Variants in RUBCN observed in about 807,000 individuals in gnomAD.
The protein encoded by RUBCN is rubicon autophagy regulator.
In RUBCN, 74 loss-of-function variants were observed where a neutral mutation model predicts 113.2. The ratio of observed to expected loss-of-function variants is 0.65; its 90% CI spans 0.54 to 0.79. RUBCN has a LOEUF of 0.79. RUBCN is among the 30% of genes least tolerant of loss of function. The probability of loss-of-function intolerance (pLI) is 0.00; values close to 1 mark genes in which losing one functional copy is unlikely to be tolerated. For synonymous variants in RUBCN, 480 were observed against 490.0 expected (o/e 0.98, Z 0.27); for missense variants, 1,109 against 1,251.7 (o/e 0.89, Z 1.72).
intron 2 of RUBCN, 121 bp from the exon 3 acceptor site, chr3:197,705,296 T>C: frequency 1.1e-6 from 1 of 875,866 alleles, no homozygotes; most frequent in Non-Finnish European, 1.9e-6. Flanking sequence ...CAAAGGTTCT[T>C]AGCAGCAATC....
chr3:197,681,156 C>T lies in RUBCN; in HGVS notation c.2403G>A (p.Arg801=). The T allele has an allele frequency of 6.2e-7, 1 of 1,613,822 alleles. No homozygotes were observed. The highest frequency in any genetic ancestry group is 8.5e-7 in the Non-Finnish European group (1 of 1,179,816). The change falls in exon 16 of 20, where the codon AGG becomes AGA. Residue 801 remains arginine, a synonymous_variant. Transcript: ENST00000296343. The surrounding 1 kb of genome is among the most constrained non-coding windows in gnomAD (Gnocchi z 5.5). ...NVQDINSALY[R]KVKLLNQVRL... ...GGACTTGATTGAGCAGCTTGACCTTCCTATAGAGGGCACTGTTTATGTCCT... is the reference window on the plus strand; with the variant it reads ...GGACTTGATTGAGCAGCTTGACCTTTCTATAGAGGGCACTGTTTATGTCCT...
intron 1 of RUBCN, among the ~76,000 whole-genome samples, chr3:197,726,375 T>C (rs1726756100): frequency 6.6e-6 from 1 of 151,386 alleles, no homozygotes; most frequent in African/African-American, 2.4e-5. Context: ...GCCTCCCAGG[T>C]AGCTGGGACT....
intron 11 of RUBCN, among the ~76,000 whole-genome samples, chr3:197,691,971 G>A (rs980997705): frequency 4.0e-5 from 6 of 151,758 alleles, no homozygotes; most frequent in African/African-American, 1.5e-4. Flanking sequence ...TTCAAAATAC[G>A]CCCCTTTCAA....
intron 1 of RUBCN, among the ~76,000 whole-genome samples, chr3:197,730,885 CTTTTTT>C (rs71166707): frequency 0.096 from 4,772 of 49,960 alleles, 86 homozygotes; most frequent in African/African-American, 0.11. Flanking sequence ...TTAAAAGCAT[CTTTTTT>C]TTTTTTTTTT....
In RUBCN at chr3:197,721,493, T is replaced by C. The variant is rs533378078; in HGVS notation, c.66-3363A>G. On this transcript the variant is annotated intron_variant, in intron 1 of 19. Transcript: ENST00000296343. ...CTGATTTTATTTATTTGAGTCTTTT[T>C]TCCCCCTTGGTCTAGCTAAAGGTTT... is the stretch of plus-strand genomic sequence containing the variant. 3.9e-5 allele frequency among the ~76,000 whole-genome samples: 6 copies of C among 152,290 alleles called. No individual in the cohort carries two copies. The South Asian group carries it at 8.3e-4, about 21-fold the overall frequency.
chr3:197,717,453 A>AGG (rs1560456051), intron 2 of RUBCN, among the ~76,000 whole-genome samples: 8 of 151,504 alleles, frequency 5.3e-5, no homozygotes, highest in African/African-American at 1.9e-4. Flanking sequence ...CAAAAAAAAA[A>AGG]AGGGGGGGGC....
rs1719578886 is a variant in RUBCN at position 197,669,180 on chromosome 3, T to C, written c.*5838A>G. Among the ~76,000 whole-genome samples the C allele has an allele frequency of 6.6e-6, 1 of 152,234 alleles. No individual in the cohort carries two copies. The highest frequency in any genetic ancestry group is 2.1e-4 in the South Asian group (1 of 4,832). On this transcript the variant is annotated 3_prime_UTR_variant, in exon 20 of 20. Coordinates refer to ENST00000296343, the MANE Select transcript of RUBCN (RefSeq NM_014687.4). ...CCCTAATGTTACCATCTTACATTAC[T>C]GTAGTACTGGACATTTCCCAAAACT...
chr3:197,729,579 G>T (rs1247742547), intron 1 of RUBCN, among the ~76,000 whole-genome samples: 1 of 151,642 alleles, frequency 6.6e-6, no homozygotes, highest in Non-Finnish European at 1.5e-5. Flanking sequence ...TCTGTTTTTT[G>T]AGACAGTCTC....
In RUBCN at chr3:197,669,063, T is replaced by TAA. The variant is rs1253328673; in HGVS notation, c.*5953_*5954dup. On this transcript the variant is annotated 3_prime_UTR_variant, in exon 20 of 20. Coordinates refer to ENST00000296343, the MANE Select transcript of RUBCN (RefSeq NM_014687.4). ...GATGTACATATGCTTTTTATATAGG[T>TAA]AAACTTCTTAATCTGGAATAATTTT... 4.6e-5 allele frequency among the ~76,000 whole-genome samples: 7 copies of TAA among 152,340 alleles called. No individual in the cohort carries two copies. The highest frequency in any genetic ancestry group is 4.6e-4 in the Admixed American group (7 of 15,306).
chr3:197,676,076 G>A, intron 18 of RUBCN: 1 of 518,178 alleles, frequency 1.9e-6, no homozygotes, highest in Non-Finnish European at 2.5e-6. Context: ...TTGAGTAGAT[G>A]ACGACAATAA....
chr3:197,707,255 C>T (rs147929873), intron 2 of RUBCN, among the ~76,000 whole-genome samples: 1,847 of 152,062 alleles, frequency 0.012, 45 homozygotes, highest in African/African-American at 0.043. Flanking sequence ...TGGCATGAAC[C>T]CGGGAGGCAG....
intron 11 of RUBCN, among the ~76,000 whole-genome samples, chr3:197,690,444 A>G (rs1722303411): frequency 6.6e-6 from 1 of 152,248 alleles, no homozygotes; most frequent in Non-Finnish European, 1.5e-5. Context: ...GTCTCAAAAA[A>G]AATACAAAAG....
intron 1 of RUBCN, among the ~76,000 whole-genome samples, chr3:197,719,956 G>A (rs1725963525): frequency 6.6e-6 from 1 of 152,128 alleles, no homozygotes; most frequent in Non-Finnish European, 1.5e-5. Flanking sequence ...CTCTCTTCCA[G>A]CTATTCTGAA....
rs568031896 is a variant in RUBCN, at chr3:197,674,353, T to C, written c.*665A>G. The C allele has an allele frequency of 4.2e-6, 1 of 238,906 alleles. No homozygotes were observed. The highest frequency in any genetic ancestry group is 6.6e-5 in the South Asian group (1 of 15,214). The allele number at this position is 238,906 out of a possible 1,614,324, so 14.8% of individuals were successfully genotyped here. On this transcript the variant is annotated 3_prime_UTR_variant, in exon 20 of 20. Coordinates refer to ENST00000296343, the MANE Select transcript of RUBCN (RefSeq NM_014687.4). ...AGATGAAGAAAGTCAGCTTGTGGCA[T>C]CCTCTATGCTTCAAATATTTCAAAC... is the stretch of plus-strand genomic sequence containing the variant.
chr3:197,749,603 A>G lies in RUBCN; in HGVS notation c.-450T>C, dbSNP rs370772409. The G allele has an allele frequency of 3.7e-5, 42 of 1,138,236 alleles. No individual in the cohort carries two copies. In the African/African-American group the frequency reaches 5.7e-4, roughly 15 times the overall value. 70.5% of individuals were successfully genotyped at this position (1,138,236 alleles called of 1,614,324 possible). ...AGGGGACCTGTCTGCAGCAGGAGGG[A>G]CTCGAAGGACACGGAGGATTATATC... On this transcript the variant is annotated 5_prime_UTR_variant, in exon 1 of 21. Transcript: ENST00000273582.
chr3:197,706,887 C>T (rs1724360551), intron 2 of RUBCN, among the ~76,000 whole-genome samples: 1 of 152,134 alleles, frequency 6.6e-6, no homozygotes, highest in East Asian at 1.9e-4. Context: ...TGTGCAGGCT[C>T]TTTTGACAAT....
Position 197,705,242 on chromosome 3 carries a change from G to A in RUBCN, c.220-67C>T, listed in dbSNP as rs1290674103. ...TGGACCAGATCTAGTTCTAGGGTTGGCATTCAAAGATAGGAAAAGGACCAC... is the reference window on the plus strand; with the variant it reads ...TGGACCAGATCTAGTTCTAGGGTTGACATTCAAAGATAGGAAAAGGACCAC... On this transcript the variant is annotated intron_variant, in intron 2 of 19. Transcript: ENST00000296343. The A allele has an allele frequency of 5.6e-6, 8 of 1,428,892 alleles. No individual in the cohort carries two copies. The South Asian group carries it at 8.1e-5, about 15-fold the overall frequency. 88.5% of individuals were successfully genotyped at this position (1,428,892 alleles called of 1,614,324 possible). A position where few individuals can be genotyped will look rare whatever the true frequency, so the allele number is the denominator to read the frequency against.
Position 197,736,675 on chromosome 3 carries a change from C to T in RUBCN, c.45G>A (p.Glu15=). The change falls in exon 1 of 20, where the codon GAG becomes GAA. Residue 15 remains glutamate, a synonymous_variant. Transcript: ENST00000296343. ...GAGMELGGGE[E]RLPEESRREH... is the part of the protein sequence containing the mutation. ...CCCACCTGCTCTCCTCAGGCAGGCG[C>T]TCCTCGCCGCCTCCGAGCTCCATTC... 1 of 1,532,498 alleles carries T rather than the reference C, an allele frequency of 6.5e-7. No homozygotes were observed. Among genetic ancestry groups the T allele is most frequent in the Admixed American group, 2.0e-5 (1 of 50,970 alleles). 94.9% of individuals were successfully genotyped at this position (1,532,498 alleles called of 1,614,324 possible).
chr3:197,701,860 G>A lies in RUBCN; in HGVS notation c.575C>T (p.Ala192Val). 6.2e-7 allele frequency: 1 copy of A among 1,613,976 alleles called. No homozygotes were observed. The change falls in exon 6 of 20, where the codon GCC (alanine) becomes GTC (valine). Residue 192 changes from alanine (A) to valine (V), a missense_variant. Coordinates refer to ENST00000296343, the MANE Select transcript of RUBCN (RefSeq NM_014687.4). The stretch of plus-strand genomic sequence containing the variant: ...CAGGAGCGGGCTCTCGTGCTTTCTG[G>A]CAAACTAAAAAGCAAAACAAAACCA... ...LLAQIDASMF[A>V]RKHESPLLVT... is the part of the protein sequence containing the mutation.
Sources: gnomAD v4.1 joint callset for allele counts (sites outside exome capture counted in the v4.1 genomes callset) on GRCh38, gnomAD v4.1.1 for gene constraint, Gnocchi (gnomAD v3.1) non-coding constraint, MANE v1.5 for transcripts, NCBI Gene and HGNC (gene_info 2026-07-23, HGNC 2026-07-21) for gene names.